FLOT2: variants seen among roughly 807,000 people sequenced by gnomAD.
The protein encoded by FLOT2 is flotillin 2.
Under a neutral mutation model 54.9 loss-of-function variants are expected in FLOT2, and 35 were observed. The ratio of observed to expected loss-of-function variants is 0.64; its 90% CI spans 0.49 to 0.84. The LOEUF (loss-of-function observed/expected upper bound fraction) is 0.84. Among genes scored for constraint, FLOT2 ranks in the 40% least tolerant of loss-of-function variants. FLOT2 has a pLI of 0.00. For synonymous variants in FLOT2, 207 were observed against 228.9 expected (o/e 0.90, Z 0.86); for missense variants, 464 against 572.1 (o/e 0.81, Z 1.93).
At chr17:28,890,456 A>G (rs1242669548) in intron 1 of FLOT2, among the ~76,000 whole-genome samples, 1 of 148,890 alleles carries the variant, frequency 6.7e-6, no homozygotes, top group Non-Finnish European at 1.5e-5. Flanking sequence ...GTGCGATCTC[A>G]GCTCACTGCA....
chr17:28,894,262 G>T (rs2039703510), intron 1 of FLOT2, among the ~76,000 whole-genome samples: 1 of 152,206 alleles, frequency 6.6e-6, no homozygotes, highest in Non-Finnish European at 1.5e-5. Context: ...TGAGGTGGGA[G>T]GATTGCTTGA....
chr17:28,886,379 T>C (rs2039547614), intron 2 of FLOT2, among the ~76,000 whole-genome samples: 1 of 151,868 alleles, frequency 6.6e-6, no homozygotes, highest in African/African-American at 2.4e-5. Context: ...AAATCGGGAG[T>C]GGGAGGCTAT....
intron 2 of FLOT2, among the ~76,000 whole-genome samples, chr17:28,886,637 C>T (rs1401633667): frequency 6.6e-6 from 1 of 152,192 alleles, no homozygotes; most frequent in African/African-American, 2.4e-5. Flanking sequence ...TGCCTCGAAG[C>T]TCCCTGGCCC....
Position 28,883,336 on chromosome 17 carries a change from T to G in FLOT2, c.223-105A>C. 3 of 1,434,484 alleles carry G rather than the reference T, an allele frequency of 2.1e-6. No individual in the cohort carries two copies. Among genetic ancestry groups the G allele is most frequent in the Non-Finnish European group, 1.9e-6 (2 of 1,042,162 alleles). The allele number at this position is 1,434,484 out of a possible 1,614,324, so 88.9% of individuals were successfully genotyped here. A position where few individuals can be genotyped will look rare whatever the true frequency, so the allele number is the denominator to read the frequency against. Reference sequence around the variant, plus strand: ...GTGGCTGTGCCTCCTCCCTTCCTTTTTTCAGACCTGGAGGCCCTGGGGGGC... The same window carrying G: ...GTGGCTGTGCCTCCTCCCTTCCTTTGTTCAGACCTGGAGGCCCTGGGGGGC... On this transcript the variant is annotated intron_variant, in intron 3 of 10. Transcript: ENST00000394908. The surrounding 1 kb of genome is among the most constrained non-coding windows in gnomAD (Gnocchi z 5.0).
chr17:28,880,392 C>CAGACAGGAGAGACAGGA lies in FLOT2; in HGVS notation c.*152_*168dup. 6.8e-7 allele frequency: 1 copy of CAGACAGGAGAGACAGGA among 1,471,758 alleles called. No homozygotes were observed. The highest frequency in any genetic ancestry group is 1.4e-5 in the South Asian group (1 of 69,548). 91.2% of individuals were successfully genotyped at this position (1,471,758 alleles called of 1,614,324 possible). A position where few individuals can be genotyped will look rare whatever the true frequency, so the allele number is the denominator to read the frequency against. On this transcript the variant is annotated 3_prime_UTR_variant, in exon 11 of 11. Transcript: ENST00000394908. ...AAGGAGAGGAAGAGGAGGAGGTGGACAGACAGGAGAGACAGGAAGACAGCC... is the reference window on the plus strand; with the variant it reads ...AAGGAGAGGAAGAGGAGGAGGTGGACAGACAGGAGAGACAGGAAGACAGGAGAGACAGGAAGACAGCC...
intron 1 of FLOT2, among the ~76,000 whole-genome samples, chr17:28,892,035 CTGTT>C (rs1457995434): frequency 6.6e-6 from 1 of 152,148 alleles, no homozygotes; most frequent in Non-Finnish European, 1.5e-5. Flanking sequence ...GGGTCTCTGT[CTGTT>C]TCTCTGGGGT....
At chr17:28,880,660 G>A in intron 10 of FLOT2, 53 bp downstream of exon 10, 1 of 1,613,864 alleles carries the variant, frequency 6.2e-7, no homozygotes, top group South Asian at 1.1e-5. Flanking sequence ...CTTTGCCTGG[G>A]CCAGTCCGAC....
At chr17:28,891,020 G>A (rs2039642071) in intron 1 of FLOT2, among the ~76,000 whole-genome samples, 1 of 151,872 alleles carries the variant, frequency 6.6e-6, no homozygotes, top group Admixed American at 6.6e-5. Context: ...AGCTGGAACC[G>A]CAGGTGTGTG....
In FLOT2 at chr17:28,884,373, G is replaced by C. The variant is rs2039507387; in HGVS notation, c.132-58C>G. On this transcript the variant is annotated intron_variant, in intron 2 of 10. Transcript: ENST00000394908. This position sits in a 1 kb window ranked among gnomAD's most constrained non-coding sequence, Gnocchi z 5.1. ...TGGGGGCGCAGGGCCTGGTGGTGTTGGGAAAGAGGCCAGTACCTCACTGCT... is the reference window on the plus strand; with the variant it reads ...TGGGGGCGCAGGGCCTGGTGGTGTTCGGAAAGAGGCCAGTACCTCACTGCT... 2 of 1,136,144 alleles carry C rather than the reference G, an allele frequency of 1.8e-6. No individual in the cohort carries two copies. The highest frequency in any genetic ancestry group is 4.7e-5 in the East Asian group (2 of 42,234). The allele number at this position is 1,136,144 out of a possible 1,614,324, so 70.4% of individuals were successfully genotyped here.
At position 28,897,560 on chromosome 17, in the gene FLOT2, G is replaced by A. The variant is rs753987208; in HGVS notation, c.15C>T (p.His5=). 5 of 1,604,028 alleles carry A rather than the reference G, an allele frequency of 3.1e-6. No homozygotes were observed. The East Asian group carries it at 9.1e-5, about 29-fold the overall frequency. The change falls in exon 1 of 11, where the codon CAC becomes CAT. Residue 5 remains histidine (H), a synonymous_variant. Coordinates refer to ENST00000394908, the MANE Select transcript of FLOT2 (RefSeq NM_004475.3). This position sits in a 1 kb window ranked among gnomAD's most constrained non-coding sequence, Gnocchi z 4.4. The part of the protein sequence containing the change: MGNC[H]TVGPNEALVV... ...CCAGCGCCTCGTTGGGCCCCACCGT[G>A]TGGCAATTGCCCATGGCGCCGGCGG... is the stretch of plus-strand genomic sequence containing the variant.
rs1445869975 is a variant in FLOT2, at chr17:28,882,255, A to G, written c.580-18T>C. The G allele has an allele frequency of 1.2e-6, 2 of 1,614,036 alleles. No homozygotes were observed. Among genetic ancestry groups the G allele is most frequent in the Non-Finnish European group, 1.7e-6 (2 of 1,180,030 alleles). ...TCAGCTTCCTGGGGACAAAAGGGGC[A>G]GAAGGGGAAGGTGAGTGAGTAGAGG... is the stretch of plus-strand genomic sequence containing the variant. On this transcript the variant is annotated intron_variant, in intron 6 of 10. Transcript: ENST00000394908. This position sits in a 1 kb window ranked among gnomAD's most constrained non-coding sequence, Gnocchi z 5.6.
At position 28,882,520 on chromosome 17, in the gene FLOT2, G is replaced by T; in HGVS notation, c.465+53C>A. Reference sequence around the variant, plus strand: ...GGCACAAAGGTGCCCCTCTAACAAAGCCACCATCTCCCAGATGGACGCCAG... The same window carrying T: ...GGCACAAAGGTGCCCCTCTAACAAATCCACCATCTCCCAGATGGACGCCAG... On this transcript the variant is annotated intron_variant, in intron 5 of 10. Transcript: ENST00000394908. The surrounding 1 kb of genome is among the most constrained non-coding windows in gnomAD (Gnocchi z 5.6). The T allele has an allele frequency of 6.3e-7, 1 of 1,584,668 alleles. No homozygotes were observed. The highest frequency in any genetic ancestry group is 8.7e-7 in the Non-Finnish European group (1 of 1,153,398).
intron 2 of FLOT2, among the ~76,000 whole-genome samples, chr17:28,886,881 C>A (rs1303082522): frequency 6.6e-6 from 1 of 152,172 alleles, no homozygotes; most frequent in East Asian, 1.9e-4. Context: ...GGGGCACTGG[C>A]CATGCAGATG....
chr17:28,879,553 CAG>C lies in FLOT2; in HGVS notation c.*1006_*1007del. The C allele has an allele frequency of 1.0e-6, 1 of 985,956 alleles. No homozygotes were observed. Among genetic ancestry groups the C allele is most frequent in the Middle Eastern group, 5.1e-4 (1 of 1,946 alleles). 61.1% of individuals were successfully genotyped at this position (985,956 alleles called of 1,614,324 possible). ...TTCTGCCTCCATTGGAGCAAGGAGACAGAGGATTGGGTTGCTTCCCCATGGCT... is the reference window on the plus strand; with the variant it reads ...TTCTGCCTCCATTGGAGCAAGGAGACAGGATTGGGTTGCTTCCCCATGGCT... On this transcript the variant is annotated 3_prime_UTR_variant, in exon 11 of 11. Coordinates refer to ENST00000394908, the MANE Select transcript of FLOT2 (RefSeq NM_004475.3).
intron 1 of FLOT2, among the ~76,000 whole-genome samples, chr17:28,896,277 T>A (rs1377921602): frequency 2.0e-5 from 3 of 152,208 alleles, no homozygotes; most frequent in African/African-American, 7.2e-5. Flanking sequence ...AGCTTTTGTC[T>A]TCTCAGCTCA....
Position 28,881,993 on chromosome 17 carries a change from C to T in FLOT2, c.735G>A (p.Gly245=). The T allele has an allele frequency of 6.2e-7, 1 of 1,614,146 alleles. No homozygotes were observed. The highest frequency in any genetic ancestry group is 8.5e-7 in the Non-Finnish European group (1 of 1,180,038). Residue 245 remains glycine (G), a synonymous_variant, in exon 8 of 11, where the codon GGG becomes GGA. Coordinates refer to ENST00000394908, the MANE Select transcript of FLOT2 (RefSeq NM_004475.3). ...AEAQLAYELQ[G]AREQQKIRQE... ...GCCGGATCTTCTGCTGTTCACGGGCCCCCTGCAGCTCATAGGCCAACTGGG... is the reference window on the plus strand; with the variant it reads ...GCCGGATCTTCTGCTGTTCACGGGCTCCCTGCAGCTCATAGGCCAACTGGG...
At position 28,879,680 on chromosome 17, in the gene FLOT2, T is replaced by C; in HGVS notation, c.*881A>G. Reference sequence around the variant, plus strand: ...TCTGTACAGGGTTGGCACAGCCTTGTCCACCAGAAGGGCCCAACACCCAGG... The same window carrying C: ...TCTGTACAGGGTTGGCACAGCCTTGCCCACCAGAAGGGCCCAACACCCAGG... On this transcript the variant is annotated 3_prime_UTR_variant, in exon 11 of 11. Transcript: ENST00000394908. 1 of 986,018 alleles carries C rather than the reference T, an allele frequency of 1.0e-6. No homozygotes were observed. The highest frequency in any genetic ancestry group is 1.7e-5 in the African/African-American group (1 of 57,344). The allele number at this position is 986,018 out of a possible 1,614,324, so 61.1% of individuals were successfully genotyped here.
Position 28,884,580 on chromosome 17 carries a change from A to G in FLOT2, c.132-265T>C, listed in dbSNP as rs941143306. The stretch of plus-strand genomic sequence containing the variant: ...AAGTCAGCTGAGGAAAAGGAAGTAG[A>G]AAGAAGTGGTTGTGGGTGGTCGGGG... On this transcript the variant is annotated intron_variant, in intron 2 of 10. Coordinates refer to ENST00000394908, the MANE Select transcript of FLOT2 (RefSeq NM_004475.3). This position sits in a 1 kb window ranked among gnomAD's most constrained non-coding sequence, Gnocchi z 5.1. 6.6e-6 allele frequency among the ~76,000 whole-genome samples: 1 copy of G among 152,138 alleles called. No individual in the cohort carries two copies. The highest frequency in any genetic ancestry group is 2.4e-5 in the African/African-American group (1 of 41,404).
intron 1 of FLOT2, among the ~76,000 whole-genome samples, chr17:28,890,390 CTTTT>C (rs55640637): frequency 6.9e-6 from 1 of 145,140 alleles, no homozygotes; most frequent in African/African-American, 2.5e-5. Context: ...CCTGAGATTT[CTTTT>C]TTTTTTTTTT....
Sources: gnomAD v4.1 joint callset for allele counts (sites outside exome capture counted in the v4.1 genomes callset) on GRCh38, gnomAD v4.1.1 for gene constraint, Gnocchi (gnomAD v3.1) non-coding constraint, MANE v1.5 for transcripts, NCBI Gene and HGNC (gene_info 2026-07-23, HGNC 2026-07-21) for gene names.